PINX1: variants seen among roughly 807,000 people sequenced by gnomAD.
PINX1 encodes the protein PIN2 (TERF1) interacting telomerase inhibitor 1.
Under a neutral mutation model 25.4 loss-of-function variants are expected in PINX1, and 34 were observed. The observed-to-expected ratio is 1.34, with a 90% CI of 1.02 to 1.78. The LOEUF is 1.78. Among genes scored for constraint, PINX1 ranks in the 40% most tolerant of loss-of-function variants. The pLI, the probability that PINX1 is intolerant of heterozygous loss-of-function variation, is 0.00. For synonymous variants in PINX1, 197 were observed against 147.7 expected (o/e 1.33, Z -2.42); for missense variants, 592 against 404.9 (o/e 1.46, Z -3.97).
At chr8:10,801,204 G>T (rs894665559) in intron 6 of PINX1, among the ~76,000 whole-genome samples, 24 of 152,336 alleles carry the variant, frequency 1.6e-4, no homozygotes, top group South Asian at 1.2e-3. Context: ...AGGGAAGGAA[G>T]GGGGAAGTGA....
chr8:10,778,293 G>T (rs552369148), intron 6 of PINX1, among the ~76,000 whole-genome samples: 11 of 152,110 alleles, frequency 7.2e-5, no homozygotes, highest in African/African-American at 2.7e-4. Context: ...TTGATTTAGG[G>T]ATATTCAACC....
chr8:10,770,225 C>T (rs771303500), intron 6 of PINX1, among the ~76,000 whole-genome samples: 1 of 152,214 alleles, frequency 6.6e-6, no homozygotes, highest in African/African-American at 2.4e-5. Flanking sequence ...TGCTGTGGTT[C>T]TCTGACTCAG....
At chr8:10,779,037 G>A (rs1372098795) in intron 6 of PINX1, among the ~76,000 whole-genome samples, 1 of 152,212 alleles carries the variant, frequency 6.6e-6, no homozygotes, top group Non-Finnish European at 1.5e-5. Flanking sequence ...CTGTTCCTAG[G>A]TTTAGAAAAA....
chr8:10,811,312 T>C lies in PINX1; in HGVS notation c.471+8881A>G, dbSNP rs547402662. On this transcript the variant is annotated intron_variant, in intron 6 of 6. Coordinates refer to ENST00000314787, the MANE Select transcript of PINX1 (RefSeq NM_017884.6). ...ACAACACTATATGGCCCTGAACCAG[T>C]TGCCCTTTAGAAGAAACCAGAGTAG... Among the ~76,000 whole-genome samples the C allele has an allele frequency of 8.5e-5, 13 of 152,324 alleles. No individual in the cohort carries two copies. In the South Asian group the frequency reaches 2.7e-3, roughly 32 times the overall value.
At chr8:10,790,964 G>A (rs1287955915) in intron 6 of PINX1, among the ~76,000 whole-genome samples, 1 of 152,146 alleles carries the variant, frequency 6.6e-6, no homozygotes, top group East Asian at 1.9e-4. Flanking sequence ...CTCGGCTGGA[G>A]TACAAAGGCG....
chr8:10,774,428 T>A (rs544097984), intron 6 of PINX1, among the ~76,000 whole-genome samples: 1 of 152,038 alleles, frequency 6.6e-6, no homozygotes, highest in South Asian at 2.1e-4. Context: ...ATTACAGGCA[T>A]GTGCCACCAC....
intron 5 of PINX1, 73 bp from the exon 6 acceptor site, chr8:10,820,342 A>T (rs1321168567): frequency 1.0e-6 from 1 of 996,246 alleles, no homozygotes; most frequent in Admixed American, 1.9e-5. Context: ...TGAACTATGC[A>T]GCACCTCAAA....
intron 6 of PINX1, chr8:10,787,715 G>T (rs1801796371): frequency 1.4e-5 from 6 of 437,454 alleles, no homozygotes; most frequent in South Asian, 1.0e-4. Context: ...TCAGTGTACG[G>T]TCTCTTTACG....
chr8:10,779,962 C>T (rs1801530579), intron 6 of PINX1, among the ~76,000 whole-genome samples: 1 of 152,148 alleles, frequency 6.6e-6, no homozygotes, highest in Non-Finnish European at 1.5e-5. Context: ...CCTGGAAACT[C>T]TTACACTAGA....
intron 6 of PINX1, 123 bp from the exon 7 acceptor site, chr8:10,766,039 C>T: frequency 3.4e-6 from 3 of 874,516 alleles, no homozygotes; most frequent in Non-Finnish European, 5.4e-6. Flanking sequence ...ACACCCGGCA[C>T]CCACACCCGG....
chr8:10,812,249 T>A (rs945456066), intron 6 of PINX1, among the ~76,000 whole-genome samples: 1 of 152,218 alleles, frequency 6.6e-6, no homozygotes, highest in Non-Finnish European at 1.5e-5. Context: ...AAGCCAAAAT[T>A]GCTCAAGTAT....
chr8:10,826,050 C>G, intron 5 of PINX1, 102 bp downstream of exon 5: 1 of 640,794 alleles, frequency 1.6e-6, no homozygotes, highest in Non-Finnish European at 2.8e-6. Flanking sequence ...CGGAGCTGTC[C>G]ATAAAGCATG....
intron 6 of PINX1, among the ~76,000 whole-genome samples, chr8:10,807,031 A>G (rs902614450): frequency 6.6e-6 from 1 of 152,222 alleles, no homozygotes; most frequent in Non-Finnish European, 1.5e-5. Context: ...AGCAGACGGC[A>G]AAGGATCATC....
intron 6 of PINX1, among the ~76,000 whole-genome samples, chr8:10,817,462 C>G (rs908200413): frequency 6.6e-6 from 1 of 152,112 alleles, no homozygotes; most frequent in Non-Finnish European, 1.5e-5. Flanking sequence ...AGGAAGGTAC[C>G]GGTATACCTC....
At chr8:10,835,560 C>G (rs887697751) in intron 1 of PINX1, among the ~76,000 whole-genome samples, 4 of 152,212 alleles carry the variant, frequency 2.6e-5, no homozygotes, top group African/African-American at 7.2e-5. Context: ...CTTTGAACTT[C>G]TAGAATAACT....
chr8:10,795,494 G>C (rs999391995), intron 6 of PINX1, among the ~76,000 whole-genome samples: 1 of 152,136 alleles, frequency 6.6e-6, no homozygotes, highest in Non-Finnish European at 1.5e-5. Flanking sequence ...TCCGCCTCCC[G>C]GATTCAAGTG....
chr8:10,826,687 G>C (rs892200906), intron 4 of PINX1, among the ~76,000 whole-genome samples: 1 of 152,164 alleles, frequency 6.6e-6, no homozygotes. Context: ...AGCGGCGGCC[G>C]CTGCCACCGC....
At position 10,832,890 on chromosome 8, in the gene PINX1, A is replaced by G. The variant is rs1030638127; in HGVS notation, c.222+2T>C. On this transcript the variant is annotated splice_donor_variant, in intron 3 of 6. Transcript: ENST00000314787. LOFTEE classifies it high-confidence loss of function. ...ACCCAGGAGGCACACACTGCTGCTC[A>G]CTTCATTATTGATGGTAGCTCCGAG... 4 of 1,586,704 alleles carry G rather than the reference A, an allele frequency of 2.5e-6. No individual in the cohort carries two copies. The highest frequency in any genetic ancestry group is 3.5e-6 in the Non-Finnish European group (4 of 1,156,064).
At chr8:10,776,241 C>T (rs1426529816) in intron 6 of PINX1, among the ~76,000 whole-genome samples, 1 of 152,012 alleles carries the variant, frequency 6.6e-6, no homozygotes, top group Non-Finnish European at 1.5e-5. Context: ...GCCTGGCCAA[C>T]ATGGCAAAAC....
Sources: gnomAD v4.1 joint callset for allele counts (sites outside exome capture counted in the v4.1 genomes callset) on GRCh38, gnomAD v4.1.1 for gene constraint, MANE v1.5 for transcripts, NCBI Gene and HGNC (gene_info 2026-07-23, HGNC 2026-07-21) for gene names.